Variants in BNC2 observed in about 807,000 individuals in gnomAD.
BNC2 encodes the protein zinc finger protein basonuclin-2.
BNC2 carries 20 observed loss-of-function variants against 76.3 expected under a neutral mutation model. The observed-to-expected ratio is 0.26, with a 90% CI of 0.18 to 0.38. The LOEUF (loss-of-function observed/expected upper bound fraction) is 0.38, where lower values mean the gene tolerates loss of function less well. BNC2 is among the 10% of genes least tolerant of loss of function. The pLI is 1.00. For missense variants in BNC2, 1,382 were observed against 1,399.8 expected, an observed-to-expected ratio of 0.99 and a Z score of 0.20; for synonymous variants, 582 against 514.8, an observed-to-expected ratio of 1.13 and a Z score of -1.77.
chr9:16,651,144 A>G (rs1043198358), intron 3 of BNC2, among the ~76,000 whole-genome samples: 1 of 152,168 alleles, frequency 6.6e-6, no homozygotes, highest in African/African-American at 2.4e-5. Context: ...GAATACAGAA[A>G]CAATGGTCAT....
intron 3 of BNC2, among the ~76,000 whole-genome samples, chr9:16,592,427 G>A (rs1357593699): frequency 3.3e-5 from 5 of 152,148 alleles, no homozygotes; most frequent in African/African-American, 1.2e-4. Flanking sequence ...AGTTGCAGGA[G>A]CCAGTCATAA....
intron 2 of BNC2, among the ~76,000 whole-genome samples, chr9:16,732,459 C>T (rs1448102099): frequency 6.6e-6 from 1 of 152,110 alleles, no homozygotes; most frequent in Non-Finnish European, 1.5e-5. Flanking sequence ...TGAGAAAGTA[C>T]TCTAGGATTT....
intron 5 of BNC2, among the ~76,000 whole-genome samples, chr9:16,511,568 T>C (rs1822757160): frequency 6.6e-6 from 1 of 150,866 alleles, no homozygotes; most frequent in South Asian, 2.1e-4. Context: ...GCTGGGACTA[T>C]AGGTGTAAGC....
intron 1 of BNC2, among the ~76,000 whole-genome samples, chr9:16,804,153 C>G (rs112679736): frequency 1.1e-4 from 16 of 152,326 alleles, no homozygotes; most frequent in African/African-American, 3.1e-4. Context: ...TAAAATTTAA[C>G]TCTTTGAGGA....
At chr9:16,715,634 G>T (rs1823977480) in intron 3 of BNC2, among the ~76,000 whole-genome samples, 1 of 152,178 alleles carries the variant, frequency 6.6e-6, no homozygotes, top group South Asian at 2.1e-4. Context: ...TTATAAAGCA[G>T]CAGCAGTGGA....
intron 5 of BNC2, among the ~76,000 whole-genome samples, chr9:16,479,471 T>TA (rs1822000318): frequency 6.6e-6 from 1 of 152,186 alleles, no homozygotes; most frequent in Admixed American, 6.5e-5. Flanking sequence ...TAGGGAGGTA[T>TA]AAGAGCCTTC....
chr9:16,777,339 C>T (rs947632308), intron 1 of BNC2, among the ~76,000 whole-genome samples: 2 of 151,876 alleles, frequency 1.3e-5, no homozygotes, highest in African/African-American at 4.8e-5. Context: ...ATTCAAAAGA[C>T]CTGTGAAAAA....
chr9:16,794,070 G>A (rs560855696), intron 1 of BNC2, among the ~76,000 whole-genome samples: 1 of 151,932 alleles, frequency 6.6e-6, no homozygotes, highest in South Asian at 2.1e-4. Context: ...CTTAGTTATA[G>A]GTTATAAAAC....
chr9:16,599,056 A>T (rs558757071), intron 3 of BNC2, among the ~76,000 whole-genome samples: 1 of 152,366 alleles, frequency 6.6e-6, no homozygotes, highest in East Asian at 1.9e-4. Flanking sequence ...ACAACTGAAC[A>T]TTAAAATGTA....
At chr9:16,719,315 A>G (rs2134845039) in intron 3 of BNC2, among the ~76,000 whole-genome samples, 1 of 152,248 alleles carries the variant, frequency 6.6e-6, no homozygotes, top group African/African-American at 2.4e-5. Context: ...AATCAATGAA[A>G]TTCTTCTTGA....
chr9:16,574,725 T>G (rs1819433564), intron 4 of BNC2, among the ~76,000 whole-genome samples: 1 of 152,196 alleles, frequency 6.6e-6, no homozygotes, highest in Non-Finnish European at 1.5e-5. Context: ...TAATATTATT[T>G]TATTGACTTA....
At chr9:16,825,868 AT>A (rs201352200) in intron 1 of BNC2, among the ~76,000 whole-genome samples, 52 of 149,790 alleles carry the variant, frequency 3.5e-4, no homozygotes, top group African/African-American at 1.1e-3. Flanking sequence ...GCATAACTGT[AT>A]TTTTTTTTTG....
intron 1 of BNC2, among the ~76,000 whole-genome samples, chr9:16,860,922 T>C (rs1466454720): frequency 6.6e-6 from 1 of 151,732 alleles, no homozygotes; most frequent in East Asian, 1.9e-4. Flanking sequence ...GGCACATGCC[T>C]GTAATGCCAG....
chr9:16,737,241 T>A (rs1471366020), intron 2 of BNC2, among the ~76,000 whole-genome samples: 5 of 4,016 alleles, frequency 1.2e-3, no homozygotes, highest in Non-Finnish European at 3.3e-3. Flanking sequence ...ACCTGGCCTT[T>A]TTTTTTTTTT....
At chr9:16,482,084 GTTGT>G (rs1822068732) in intron 5 of BNC2, among the ~76,000 whole-genome samples, 3 of 152,120 alleles carry the variant, frequency 2.0e-5, no homozygotes, top group Non-Finnish European at 4.4e-5. Flanking sequence ...ACTAAAAACT[GTTGT>G]CAGTAATAAA....
At chr9:16,587,099 C>T (rs1819793705) in intron 3 of BNC2, among the ~76,000 whole-genome samples, 1 of 151,814 alleles carries the variant, frequency 6.6e-6, no homozygotes. Context: ...ACAGAGGAAA[C>T]TAAGGTAGAG....
chr9:16,821,929 T>TA (rs1176712934), intron 1 of BNC2, among the ~76,000 whole-genome samples: 1 of 151,604 alleles, frequency 6.6e-6, no homozygotes, highest in African/African-American at 2.4e-5. Context: ...CTGTCTCTAC[T>TA]AAAAATACAA....
intron 5 of BNC2, among the ~76,000 whole-genome samples, chr9:16,443,256 T>TA (rs576939529): frequency 1.0e-3 from 154 of 152,290 alleles, no homozygotes; most frequent in African/African-American, 3.6e-3. Flanking sequence ...CTGTAGGGAC[T>TA]GCTGACTACC....
intron 3 of BNC2, among the ~76,000 whole-genome samples, chr9:16,714,272 A>G (rs549131548): frequency 4.6e-5 from 7 of 152,244 alleles, no homozygotes; most frequent in African/African-American, 7.2e-5. Flanking sequence ...ACAAAGCACA[A>G]ATGTTATTTT....
Sources: gnomAD v4.1 joint callset for allele counts (sites outside exome capture counted in the v4.1 genomes callset) on GRCh38, gnomAD v4.1.1 for gene constraint, MANE v1.5 for transcripts, NCBI Gene and HGNC (gene_info 2026-07-23, HGNC 2026-07-21) for gene names.